The following SNRPD2 variants were observed in gnomAD, a reference collection of about 807,000 sequenced individuals.
SNRPD2 encodes small nuclear ribonucleoprotein D2 polypeptide.
A neutral mutation model predicts 11.5 loss-of-function variants in SNRPD2; 1 was observed. That is an observed-to-expected ratio of 0.09 (90% CI 0.03 to 0.41). The LOEUF (loss-of-function observed/expected upper bound fraction) is 0.41, where lower values mean the gene tolerates loss of function less well. SNRPD2 is among the 10% of genes least tolerant of loss of function. SNRPD2 has a pLI of 0.98. For missense variants in SNRPD2, 77 were observed against 154.9 expected (o/e 0.50, Z 2.67); for synonymous variants, 63 against 61.5 (o/e 1.02, Z -0.12).
In SNRPD2 at chr19:45,688,570, C is replaced by A. The variant is rs10403723; in HGVS notation, c.3-4G>T. On this transcript the variant is annotated splice_region_variant and splice_polypyrimidine_tract_variant and intron_variant, in intron 1 of 2. Coordinates refer to ENST00000342669, the MANE Select transcript of SNRPD2 (RefSeq NM_001384647.1). This position sits in a 1 kb window ranked among gnomAD's most constrained non-coding sequence, Gnocchi z 4.1. ...CTTGGGCTTGTTGAGGAGGCTCCTGCATGGACAAACATGGAACCAATAAGT... is the reference window on the plus strand; with the variant it reads ...CTTGGGCTTGTTGAGGAGGCTCCTGAATGGACAAACATGGAACCAATAAGT... The A allele has an allele frequency of 1.9e-6, 3 of 1,612,172 alleles. No homozygotes were observed. The Admixed American group carries it at 5.0e-5, about 27-fold the overall frequency.
In SNRPD2 at chr19:45,688,368, C is replaced by T. The variant is rs1967460859; in HGVS notation, c.182+19G>A. Reference sequence around the variant, plus strand: ...CTCTCCAGGCCTGCGGAGAACACCTCCCAGGACCCAGCACTCACCTATCGA... The same window carrying T: ...CTCTCCAGGCCTGCGGAGAACACCTTCCAGGACCCAGCACTCACCTATCGA... On this transcript the variant is annotated intron_variant, in intron 2 of 2. Coordinates refer to ENST00000342669, the MANE Select transcript of SNRPD2 (RefSeq NM_001384647.1). The surrounding 1 kb of genome is among the most constrained non-coding windows in gnomAD (Gnocchi z 4.1). 6.2e-7 allele frequency: 1 copy of T among 1,613,118 alleles called. No individual in the cohort carries two copies. The highest frequency in any genetic ancestry group is 2.2e-5 in the East Asian group (1 of 44,872).
intron 1 of SNRPD2, among the ~76,000 whole-genome samples, chr19:45,689,612 A>C (rs1273459793): frequency 6.6e-6 from 1 of 151,814 alleles, no homozygotes; most frequent in Non-Finnish European, 1.5e-5. Context: ...TCGGGAGGTT[A>C]AAGTAGAAGA....
At position 45,688,443 on chromosome 19, in the gene SNRPD2, C is replaced by T. The variant is rs754039108; in HGVS notation, c.126G>A (p.Val42=). 3.7e-6 allele frequency: 6 copies of T among 1,614,184 alleles called. No individual in the cohort carries two copies. The South Asian group carries it at 6.6e-5, about 18-fold the overall frequency. ...LTQSVKNNTQ[V]LINCRNNKKL... ...TCTTATTGTTGCGGCAGTTGATGAG[C>T]ACTTGGGTATTGTTCTTGACTGACT... Residue 42 remains valine (V), a synonymous_variant, in exon 2 of 3, where the codon GTG becomes GTA. Coordinates refer to ENST00000342669, the MANE Select transcript of SNRPD2 (RefSeq NM_001384647.1). The surrounding 1 kb of genome is among the most constrained non-coding windows in gnomAD (Gnocchi z 4.1).
At chr19:45,687,454 T>A, downstream of SNRPD2, 1 of 1,184,466 alleles carries the variant, frequency 8.4e-7, no homozygotes, top group Non-Finnish European at 1.2e-6. This position sits in a 1 kb window ranked among gnomAD's most constrained non-coding sequence, Gnocchi z 4.1. Context: ...TGGAAACAGA[T>A]ACCACTAGAA....
At position 45,691,910 on chromosome 19, in the gene SNRPD2, T is replaced by C. The variant is rs774353808; in HGVS notation, c.-22A>G. The stretch of plus-strand genomic sequence containing the variant: ...ACATGATGGTCACTACGCTCTCCGT[T>C]CACTCCCGTTTCCTCCGCGTTGCTG... On this transcript the variant is annotated 5_prime_UTR_variant, in exon 1 of 3. Coordinates refer to ENST00000342669, the MANE Select transcript of SNRPD2 (RefSeq NM_001384647.1). 13 of 1,614,038 alleles carry C rather than the reference T, an allele frequency of 8.1e-6. No individual in the cohort carries two copies. The highest frequency in any genetic ancestry group is 1.1e-5 in the Non-Finnish European group (13 of 1,180,006).
intron 1 of SNRPD2, chr19:45,691,654 AGCCCCCGC>A (rs1334002317): frequency 8.4e-6 from 5 of 595,388 alleles, no homozygotes; most frequent in African/African-American, 7.4e-5. Flanking sequence ...CACAGGAATG[AGCCCCCGC>A]GCCCAGCCCA....
intron 1 of SNRPD2, 92 bp downstream of exon 1, chr19:45,691,795 C>A (rs1461601457): frequency 4.7e-6 from 7 of 1,489,210 alleles, no homozygotes; most frequent in Non-Finnish European, 6.6e-6. Flanking sequence ...CTGCCCCTGC[C>A]CCCCCCGCTC....
Position 45,688,259 on chromosome 19 carries a change from A to T in SNRPD2, c.182+128T>A, listed in dbSNP as rs763100501. Reference sequence around the variant, plus strand: ...TGCCTTCCCAAAGTGCTGGGATTACAGGCATGAGCCACCACGCCTGGCCAT... The same window carrying T: ...TGCCTTCCCAAAGTGCTGGGATTACTGGCATGAGCCACCACGCCTGGCCAT... On this transcript the variant is annotated intron_variant, in intron 2 of 2. Coordinates refer to ENST00000342669, the MANE Select transcript of SNRPD2 (RefSeq NM_001384647.1). This position sits in a 1 kb window ranked among gnomAD's most constrained non-coding sequence, Gnocchi z 4.1. 19 of 748,416 alleles carry T rather than the reference A, an allele frequency of 2.5e-5. No homozygotes were observed. The highest frequency in any genetic ancestry group is 3.8e-5 in the Non-Finnish European group (17 of 450,832). The allele number at this position is 748,416 out of a possible 1,614,324, so 46.4% of individuals were successfully genotyped here. A position where few individuals can be genotyped will look rare whatever the true frequency, so the allele number is the denominator to read the frequency against.
rs977960221 is a variant in SNRPD2, at chr19:45,688,017, C to G, written c.183-290G>C. ...CATTTTCTTTTTTGAGACAGAATCT[C>G]ACTCTGTTGCCCAGGCTGCAATGCA... On this transcript the variant is annotated intron_variant, in intron 2 of 2. Transcript: ENST00000342669. This position sits in a 1 kb window ranked among gnomAD's most constrained non-coding sequence, Gnocchi z 4.1. 6.6e-6 allele frequency among the ~76,000 whole-genome samples: 1 copy of G among 152,206 alleles called. No individual in the cohort carries two copies. The highest frequency in any genetic ancestry group is 1.5e-5 in the Non-Finnish European group (1 of 68,044).
At chr19:45,691,229 C>G (rs535585786) in intron 1 of SNRPD2, among the ~76,000 whole-genome samples, 91 of 152,256 alleles carry the variant, frequency 6.0e-4, no homozygotes, top group Middle Eastern at 6.8e-3. Flanking sequence ...CTCCCGGGTT[C>G]AAGCGATCCT....
rs1967456931 is a variant in SNRPD2 at position 45,688,157 on chromosome 19, A to G, written c.182+230T>C. On this transcript the variant is annotated intron_variant, in intron 2 of 2. Coordinates refer to ENST00000342669, the MANE Select transcript of SNRPD2 (RefSeq NM_001384647.1). The surrounding 1 kb of genome is among the most constrained non-coding windows in gnomAD (Gnocchi z 4.1). ...GTGCACCACCACGCCTGGCTTTTAT[A>G]TTTTTAGTAGAGATGGGGTTTCGCC... is the stretch of plus-strand genomic sequence containing the variant. Among the ~76,000 whole-genome samples, 1 of 151,688 alleles carries G rather than the reference A, an allele frequency of 6.6e-6. No homozygotes were observed. The highest frequency in any genetic ancestry group is 2.1e-4 in the South Asian group (1 of 4,804).
rs570043209 is a variant in SNRPD2 at position 45,690,083 on chromosome 19, G to A, written c.3-1517C>T. On this transcript the variant is annotated intron_variant, in intron 1 of 2. Transcript: ENST00000342669. ...GCGGTGGCTCACGCCTGTAATCCCA[G>A]CACTTTGGGAGGCCGAGGCGGGCGG... Among the ~76,000 whole-genome samples, 36 of 151,580 alleles carry A rather than the reference G, an allele frequency of 2.4e-4. No individual in the cohort carries two copies. In the East Asian group the frequency reaches 6.5e-3, roughly 27 times the overall value.
In SNRPD2 at chr19:45,687,624, T is replaced by C; in HGVS notation, c.286A>G (p.Ile96Val). The change falls in exon 3 of 3, where the codon ATC becomes GTC. Residue 96 changes from isoleucine to valine, a missense_variant. Ile to Val is a conservative substitution (Grantham distance 29). Transcript: ENST00000342669. This position sits in a 1 kb window ranked among gnomAD's most constrained non-coding sequence, Gnocchi z 4.1. ...TCCCCGCGCAGGAACATCTTGGAGA[T>C]GTAGCGGTCTTTGTTGACTGGCTTG... ...KSKPVNKDRY[I>V]SKMFLRGDSV... 3 of 1,614,178 alleles carry C rather than the reference T, an allele frequency of 1.9e-6. No homozygotes were observed. The highest frequency in any genetic ancestry group is 2.5e-6 in the Non-Finnish European group (3 of 1,180,008).
At position 45,691,726 on chromosome 19, in the gene SNRPD2, C is replaced by G. The variant is rs551846030; in HGVS notation, c.2+161G>C. The G allele has an allele frequency of 4.4e-4, 394 of 885,734 alleles. 27 individuals are homozygous for G. In the South Asian group the frequency reaches 5.6e-3, roughly 12 times the overall value. 54.9% of individuals were successfully genotyped at this position (885,734 alleles called of 1,614,324 possible). ...TCCCGAAGTCACGATGCGTCAAAGG[C>G]CCCACGCCCGTTCTCAAACTCATCA... On this transcript the variant is annotated intron_variant, in intron 1 of 2. Coordinates refer to ENST00000342669, the MANE Select transcript of SNRPD2 (RefSeq NM_001384647.1).
intron 1 of SNRPD2, chr19:45,691,681 T>C: frequency 1.5e-6 from 1 of 679,042 alleles, no homozygotes. Flanking sequence ...CAGGGCGTTA[T>C]CTGATAAAGC....
At chr19:45,691,851 C>A (rs908399354) in intron 1 of SNRPD2, 36 bp downstream of exon 1, 2 of 1,613,488 alleles carry the variant, frequency 1.2e-6, no homozygotes, top group East Asian at 2.2e-5. Context: ...CCACCCTCAA[C>A]CTCATTCCCG....
Position 45,688,710 on chromosome 19 carries a change from T to A in SNRPD2, c.3-144A>T. 1 of 660,642 alleles carries A rather than the reference T, an allele frequency of 1.5e-6. No individual in the cohort carries two copies. Among genetic ancestry groups the A allele is most frequent in the Non-Finnish European group, 2.7e-6 (1 of 374,028 alleles). 40.9% of individuals were successfully genotyped at this position (660,642 alleles called of 1,614,324 possible). ...CTGTCCTCCTGTTCAGCCTTCTGAG[T>A]ATCATCAGCTAGATGCCTAACAGAC... On this transcript the variant is annotated intron_variant, in intron 1 of 2. Transcript: ENST00000342669. The surrounding 1 kb of genome is among the most constrained non-coding windows in gnomAD (Gnocchi z 4.1).
chr19:45,690,863 G>C (rs1446455618), intron 1 of SNRPD2, among the ~76,000 whole-genome samples: 2 of 150,118 alleles, frequency 1.3e-5, no homozygotes, highest in African/African-American at 4.9e-5. Flanking sequence ...AAGAGAAAAA[G>C]ATTTTTCTTT....
intron 1 of SNRPD2, chr19:45,689,447 C>T (rs897771371): frequency 9.0e-6 from 3 of 331,802 alleles, no homozygotes; most frequent in African/African-American, 6.5e-5. Flanking sequence ...GTGGATTGAT[C>T]ACTTGATGTG....
Sources: gnomAD v4.1 joint callset for allele counts (sites outside exome capture counted in the v4.1 genomes callset) on GRCh38, gnomAD v4.1.1 for gene constraint, Gnocchi (gnomAD v3.1) non-coding constraint, MANE v1.5 for transcripts, NCBI Gene and HGNC (gene_info 2026-07-23, HGNC 2026-07-21) for gene names.